The following RAPGEF2 variants were observed in gnomAD, a reference collection of about 807,000 sequenced individuals.
RAPGEF2 encodes Rap guanine nucleotide exchange factor 2, also known as PDZ domain containing guanine nucleotide exchange factor (GEF) 1.
In RAPGEF2, 54 loss-of-function variants were observed where a neutral mutation model predicts 186.7. That is an observed-to-expected ratio of 0.29 (90% CI 0.23 to 0.36). The LOEUF (loss-of-function observed/expected upper bound fraction) is 0.36, where lower values mean the gene tolerates loss of function less well. Among genes scored for constraint, RAPGEF2 ranks in the 10% least tolerant of loss-of-function variants. RAPGEF2 has a pLI of 1.00. For missense variants in RAPGEF2, 1,532 were observed against 2,045.0 expected (o/e 0.75, Z 4.84); for synonymous variants, 712 against 705.9 (o/e 1.01, Z -0.14).
intron 6 of RAPGEF2, among the ~76,000 whole-genome samples, chr4:159,242,856 G>A (rs1299540881): frequency 6.6e-6 from 1 of 151,770 alleles, no homozygotes; most frequent in Non-Finnish European, 1.5e-5. Flanking sequence ...TTTCTGCTTT[G>A]GAATTGTTTT....
At chr4:159,317,663 C>G (rs1764765282) in intron 9 of RAPGEF2, among the ~76,000 whole-genome samples, 1 of 152,136 alleles carries the variant, frequency 6.6e-6, no homozygotes, top group South Asian at 2.1e-4. Flanking sequence ...CAGCTGATTT[C>G]CAGTGTCCAA....
chr4:159,191,253 C>G (rs1269288240), intron 2 of RAPGEF2, among the ~76,000 whole-genome samples: 1 of 151,956 alleles, frequency 6.6e-6, no homozygotes, highest in Non-Finnish European at 1.5e-5. Context: ...AGACCAAGGA[C>G]AGGTTGCTGA....
At chr4:159,128,474 T>C (rs1740627706) in intron 1 of RAPGEF2, among the ~76,000 whole-genome samples, 3 of 152,138 alleles carry the variant, frequency 2.0e-5, no homozygotes, top group African/African-American at 7.2e-5. Context: ...AAAATATTAG[T>C]GTCAGTAGAA....
chr4:159,140,597 TG>T (rs1742209107), intron 1 of RAPGEF2, among the ~76,000 whole-genome samples: 1 of 152,184 alleles, frequency 6.6e-6, no homozygotes, highest in South Asian at 2.1e-4. Context: ...ACCAAGGTAA[TG>T]TAGAAGACTG....
At chr4:159,182,256 T>C (rs1220036442) in intron 1 of RAPGEF2, among the ~76,000 whole-genome samples, 1 of 152,166 alleles carries the variant, frequency 6.6e-6, no homozygotes, top group Non-Finnish European at 1.5e-5. Flanking sequence ...AAGTCCCTAA[T>C]ACTGATAAAT....
intron 3 of RAPGEF2, among the ~76,000 whole-genome samples, chr4:159,198,810 T>C (rs2111335884): frequency 6.6e-6 from 1 of 152,080 alleles, no homozygotes; most frequent in East Asian, 1.9e-4. Flanking sequence ...CTAATTTTAT[T>C]ATGCTTATGT....
chr4:159,246,069 T>A (rs1754598851), intron 7 of RAPGEF2, among the ~76,000 whole-genome samples: 1 of 152,118 alleles, frequency 6.6e-6, no homozygotes. Flanking sequence ...AAAGTTTCAG[T>A]CAGTACAAAA....
intron 4 of RAPGEF2, among the ~76,000 whole-genome samples, chr4:159,221,044 T>TC (rs1468874718): frequency 1.3e-5 from 2 of 152,152 alleles, no homozygotes; most frequent in African/African-American, 2.4e-5. Flanking sequence ...GAGAAATTGA[T>TC]ATTGTTCGAC....
At chr4:159,348,137 C>T (rs574182692) in intron 25 of RAPGEF2, among the ~76,000 whole-genome samples, 7 of 151,860 alleles carry the variant, frequency 4.6e-5, no homozygotes, top group Non-Finnish European at 1.0e-4. Flanking sequence ...ACAAGAATCG[C>T]TTCAACCTGG....
chr4:159,348,246 G>GATA (rs1561329991), intron 25 of RAPGEF2, among the ~76,000 whole-genome samples: 1,870 of 30,350 alleles, frequency 0.062, 42 homozygotes, highest in African/African-American at 0.098. Flanking sequence ...ATAGATAGAT[G>GATA]GATGGATGGA....
intron 25 of RAPGEF2, 80 bp downstream of exon 25, chr4:159,347,078 G>A (rs1410699412): frequency 2.3e-6 from 3 of 1,302,430 alleles, no homozygotes; most frequent in African/African-American, 3.0e-5. Flanking sequence ...ATTTGTCTTG[G>A]ATAACTTTGT....
chr4:159,122,817 A>G (rs1468792916), intron 1 of RAPGEF2, among the ~76,000 whole-genome samples: 1 of 152,216 alleles, frequency 6.6e-6, no homozygotes, highest in Non-Finnish European at 1.5e-5. Flanking sequence ...ACAAAGTGCC[A>G]CTGGTGATGC....
intron 17 of RAPGEF2, among the ~76,000 whole-genome samples, chr4:159,337,230 A>G (rs530210496): frequency 1.3e-5 from 2 of 152,328 alleles, no homozygotes; most frequent in African/African-American, 4.8e-5. Context: ...ATGCTAGGAA[A>G]TGTCACCATG....
At chr4:159,261,217 A>C (rs1388176155) in intron 7 of RAPGEF2, among the ~76,000 whole-genome samples, 1 of 151,954 alleles carries the variant, frequency 6.6e-6, no homozygotes, top group South Asian at 2.1e-4. Flanking sequence ...ACTGCCACCA[A>C]GACTGGCTAA....
At chr4:159,231,492 T>C (rs1460521244) in intron 4 of RAPGEF2, among the ~76,000 whole-genome samples, 1 of 152,072 alleles carries the variant, frequency 6.6e-6, no homozygotes, top group Non-Finnish European at 1.5e-5. Flanking sequence ...AAATAATATA[T>C]GTTTTGTAGA....
intron 7 of RAPGEF2, among the ~76,000 whole-genome samples, chr4:159,275,054 CGTGTGTGTGTGTGTGTGT>C (rs35461332): frequency 1.0e-4 from 15 of 143,982 alleles, no homozygotes; most frequent in East Asian, 2.1e-4. Context: ...CTCTGTCTCT[CGTGTGTGTGTGTGTGTGT>C]GTGTGTGTGT....
At chr4:159,125,658 T>C (rs988976712) in intron 1 of RAPGEF2, among the ~76,000 whole-genome samples, 2 of 151,712 alleles carry the variant, frequency 1.3e-5, no homozygotes, top group African/African-American at 4.8e-5. Flanking sequence ...CTCAGGAGGC[T>C]GAGGCAGGAG....
intron 1 of RAPGEF2, among the ~76,000 whole-genome samples, chr4:159,175,668 G>A (rs1194160867): frequency 6.6e-6 from 1 of 152,116 alleles, no homozygotes; most frequent in Admixed American, 6.5e-5. Flanking sequence ...TTGCGAGACC[G>A]GCGACTGCTT....
chr4:159,106,458 CT>C (rs1461214863), intron 1 of RAPGEF2, among the ~76,000 whole-genome samples: 1 of 151,918 alleles, frequency 6.6e-6, no homozygotes, highest in African/African-American at 2.4e-5. Flanking sequence ...GTTAAGAATG[CT>C]TTGTTAATGG....
Sources: gnomAD v4.1 joint callset for allele counts (sites outside exome capture counted in the v4.1 genomes callset) on GRCh38, gnomAD v4.1.1 for gene constraint, MANE v1.5 for transcripts, NCBI Gene and HGNC (gene_info 2026-07-23, HGNC 2026-07-21) for gene names.